FER1L5: variants seen among roughly 807,000 people sequenced by gnomAD.
The protein encoded by FER1L5 is fer-1-like protein 5.
A neutral mutation model predicts 279.9 loss-of-function variants in FER1L5; 187 were observed. The observed-to-expected ratio is 0.67, with a 90% CI of 0.59 to 0.75. The LOEUF (loss-of-function observed/expected upper bound fraction) is 0.75. Ranked by LOEUF, FER1L5 falls within the 30% of genes least tolerant of loss-of-function variation. The pLI is 0.00. For missense variants in FER1L5, 2,091 were observed against 2,594.4 expected (o/e 0.81, Z 4.21); for synonymous variants, 921 against 989.7 (o/e 0.93, Z 1.30).
chr2:96,702,842 G>T lies in FER1L5; in HGVS notation c.5397+101G>T. On this transcript the variant is annotated intron_variant, in intron 48 of 52. Transcript: ENST00000624922. The surrounding 1 kb of genome is among the most constrained non-coding windows in gnomAD (Gnocchi z 4.0). ...CTCCAGAGGCTTGCAATCTGTCCCAGAACATCAGAAACATGTCCTCAGGTG... is the reference window on the plus strand; with the variant it reads ...CTCCAGAGGCTTGCAATCTGTCCCATAACATCAGAAACATGTCCTCAGGTG... 6.5e-7 allele frequency: 1 copy of T among 1,546,022 alleles called. No homozygotes were observed.
At chr2:96,657,633 G>T (rs1383980610) in intron 9 of FER1L5, among the ~76,000 whole-genome samples, 1 of 151,590 alleles carries the variant, frequency 6.6e-6, no homozygotes. Flanking sequence ...GTTATTATAT[G>T]AACATTTCTT....
At chr2:96,654,405 GA>G (rs138105103) in intron 8 of FER1L5, 40 bp from the exon 9 acceptor site, 2 of 398,934 alleles carry the variant, frequency 5.0e-6, no homozygotes, top group Admixed American at 4.4e-5. Context: ...GGGAAATTGG[GA>G]TTGTGAATAA....
At chr2:96,662,679 C>T (rs1053937131) in intron 13 of FER1L5, among the ~76,000 whole-genome samples, 5 of 152,264 alleles carry the variant, frequency 3.3e-5, no homozygotes, top group Admixed American at 2.6e-4. Flanking sequence ...TGTTCAAATT[C>T]GGACAATGCT....
chr2:96,670,985 T>C (rs2076301587), intron 18 of FER1L5, among the ~76,000 whole-genome samples: 1 of 151,084 alleles, frequency 6.6e-6, no homozygotes, highest in African/African-American at 2.4e-5. Flanking sequence ...CTTGCGCCTG[T>C]AGTCCCAGCT....
At chr2:96,644,974 T>C (rs1203663098) in intron 1 of FER1L5, among the ~76,000 whole-genome samples, 1 of 152,174 alleles carries the variant, frequency 6.6e-6, no homozygotes, top group Non-Finnish European at 1.5e-5. Flanking sequence ...TGCCTAAAAC[T>C]CAGAACCCTG....
rs991022738 is a variant in FER1L5, at chr2:96,690,665, G to C, written c.2743+76G>C. 1.6e-5 allele frequency: 21 copies of C among 1,348,878 alleles called. No homozygotes were observed. The African/African-American group carries it at 2.9e-4, about 19-fold the overall frequency. The allele number at this position is 1,348,878 out of a possible 1,614,324, so 83.6% of individuals were successfully genotyped here. ...AACGGCAGCCAGCAGGGTGGGATCA[G>C]AGCAGCCAAGCCCTCCATGGTATAC... On this transcript the variant is annotated intron_variant, in intron 27 of 52. Transcript: ENST00000624922.
At position 96,663,525 on chromosome 2, in the gene FER1L5, T is replaced by G. The variant is rs2076024143; in HGVS notation, c.1140+18T>G. The G allele has an allele frequency of 1.9e-6, 3 of 1,550,796 alleles. No homozygotes were observed. The highest frequency in any genetic ancestry group is 1.7e-4 in the Middle Eastern group (1 of 6,012). On this transcript the variant is annotated intron_variant, in intron 14 of 52. Coordinates refer to ENST00000624922, the MANE Select transcript of FER1L5 (RefSeq NM_001293083.2). Reference sequence around the variant, plus strand: ...GGATTCAGGTATGGCTCCTCCATCATGCCCACCCTTCTCCCACATCCCCTA... The same window carrying G: ...GGATTCAGGTATGGCTCCTCCATCAGGCCCACCCTTCTCCCACATCCCCTA...
In FER1L5 at chr2:96,704,617, T is replaced by G; in HGVS notation, c.6099T>G (p.His2033Gln). The G allele has an allele frequency of 6.2e-7, 1 of 1,614,022 alleles. No individual in the cohort carries two copies. Among genetic ancestry groups the G allele is most frequent in the Non-Finnish European group, 8.5e-7 (1 of 1,179,894 alleles). The change falls in exon 53 of 53, where the codon CAT (histidine) becomes CAG (glutamine). Residue 2033 changes from histidine (H) to glutamine (Q), a missense_variant. Coordinates refer to ENST00000624922, the MANE Select transcript of FER1L5 (RefSeq NM_001293083.2). ...CAAACCTAAAGCCTACAATAGACCA[T>G]GAGTGGAAACTCCACCCAGGACCCA... Reference protein sequence around the residue: ...QDPNLKPTIDHEWKLHPGPTN... With the variant: ...QDPNLKPTIDQEWKLHPGPTN...
intron 19 of FER1L5, among the ~76,000 whole-genome samples, chr2:96,677,123 TG>T (rs1176055083): frequency 6.6e-6 from 1 of 152,276 alleles, no homozygotes; most frequent in Non-Finnish European, 1.5e-5. Flanking sequence ...ATTACAGGCG[TG>T]GGCCACGATG....
In FER1L5 at chr2:96,650,259, G is replaced by A; in HGVS notation, c.474G>A (p.Arg158=). ...KLMVPGSTAH[R]ALSSKPQHFQ... Reference sequence around the variant, plus strand: ...TGGTCCCTGGCTCCACTGCGCACAGGGCTCTGTCCTCAAAGCCTCAGCACT... The same window carrying A: ...TGGTCCCTGGCTCCACTGCGCACAGAGCTCTGTCCTCAAAGCCTCAGCACT... Residue 158 remains arginine (R), a synonymous_variant, in exon 6 of 53, where the codon AGG becomes AGA. Coordinates refer to ENST00000624922, the MANE Select transcript of FER1L5 (RefSeq NM_001293083.2). The A allele has an allele frequency of 1.9e-6, 3 of 1,551,674 alleles. No individual in the cohort carries two copies. Among genetic ancestry groups the A allele is most frequent in the Non-Finnish European group, 2.6e-6 (3 of 1,146,986 alleles).
Position 96,691,067 on chromosome 2 carries a change from T to A in FER1L5, c.2744-123T>A. 7.8e-7 allele frequency: 1 copy of A among 1,282,752 alleles called. No homozygotes were observed. The highest frequency in any genetic ancestry group is 1.6e-5 in the South Asian group (1 of 64,280). 79.5% of individuals were successfully genotyped at this position (1,282,752 alleles called of 1,614,324 possible). A position where few individuals can be genotyped will look rare whatever the true frequency, so the allele number is the denominator to read the frequency against. ...GTAGCCACACTCTCCTTTCCACACC[T>A]CAGGGCCAGAGACCTGGATGTGAGG... is the stretch of plus-strand genomic sequence containing the variant. On this transcript the variant is annotated intron_variant, in intron 27 of 52. Coordinates refer to ENST00000624922, the MANE Select transcript of FER1L5 (RefSeq NM_001293083.2). This position sits in a 1 kb window ranked among gnomAD's most constrained non-coding sequence, Gnocchi z 6.0.
At chr2:96,650,337 T>A (rs946934125) in intron 6 of FER1L5, 48 bp downstream of exon 6, 1 of 1,468,996 alleles carries the variant, frequency 6.8e-7, no homozygotes, top group Admixed American at 2.0e-5. Context: ...CTGACACTCT[T>A]GTTTGCTGTG....
chr2:96,687,971 G>A lies in FER1L5; in HGVS notation c.2361+24G>A, dbSNP rs951231151. 2.6e-6 allele frequency: 4 copies of A among 1,550,020 alleles called. No individual in the cohort carries two copies. The Admixed American group carries it at 7.8e-5, about 30-fold the overall frequency. On this transcript the variant is annotated intron_variant, in intron 24 of 52. Transcript: ENST00000624922. ...TGGTGAGTGGTGAGCGGCAGCCCAA[G>A]GCCAGGGCAGGCACGCGGGGGTGGG...
At chr2:96,670,004 A>G in intron 17 of FER1L5, 115 bp from the exon 18 acceptor site, 1 of 1,373,370 alleles carries the variant, frequency 7.3e-7, no homozygotes, top group Non-Finnish European at 9.9e-7. Flanking sequence ...GGTTGCAGTA[A>G]GCCCCGGGCA....
Position 96,689,678 on chromosome 2 carries a change from G to T in FER1L5, c.2560G>T (p.Val854Leu). Residue 854 changes from valine to leucine, a missense_variant, in exon 26 of 53, where the codon GTG becomes TTG. By Grantham distance (32) the Val-to-Leu change is conservative (BLOSUM62 1). Transcript: ENST00000624922. This position sits in a 1 kb window ranked among gnomAD's most constrained non-coding sequence, Gnocchi z 4.6. ...LLDIDINKSQ[V>L]LEEVYENQGR... ...GGACATAGACATCAACAAGAGCCAG[G>T]TGCTGGAGGAGGTATATGAGAACCA... 1 of 1,551,158 alleles carries T rather than the reference G, an allele frequency of 6.4e-7. No individual in the cohort carries two copies. The highest frequency in any genetic ancestry group is 8.7e-7 in the Non-Finnish European group (1 of 1,146,906).
rs1010253244 is a variant in FER1L5, at chr2:96,647,811, A to G, written c.264A>G (p.Pro88=). Residue 88 remains proline, a synonymous_variant, in exon 4 of 53, where the codon CCA becomes CCG. Transcript: ENST00000624922. ...FIGLATVLLK[P]LLKQPSEVLF... ...GCCTGGCCACAGTACTGCTCAAGCC[A>G]TTGTTGAAACAACCAAGTGAGGTCC... The G allele has an allele frequency of 3.2e-6, 5 of 1,551,768 alleles. No individual in the cohort carries two copies. The highest frequency in any genetic ancestry group is 4.4e-6 in the Non-Finnish European group (5 of 1,146,998).
chr2:96,671,106 CAAA>C (rs750341048), intron 18 of FER1L5, among the ~76,000 whole-genome samples: 103 of 40,216 alleles, frequency 2.6e-3, no homozygotes, highest in East Asian at 0.014. Context: ...GACTCCATCT[CAAA>C]AAAAAAAAAA....
chr2:96,671,128 A>AAAAAAAAAAAAAAAG (rs59325881), intron 18 of FER1L5, among the ~76,000 whole-genome samples: 5 of 149,596 alleles, frequency 3.3e-5, no homozygotes, highest in Non-Finnish European at 7.4e-5. Context: ...AAAAAAAAAA[A>AAAAAAAAAAAAAAAG]GGAATCCCTG....
At chr2:96,654,676 G>T (rs1010357472) in intron 9 of FER1L5, 180 bp downstream of exon 9, 19 of 348,408 alleles carry the variant, frequency 5.5e-5, no homozygotes, top group African/African-American at 4.0e-4. Flanking sequence ...GAGGCCGGTG[G>T]ATCACGAGGT....
Sources: gnomAD v4.1 joint callset for allele counts (sites outside exome capture counted in the v4.1 genomes callset) on GRCh38, gnomAD v4.1.1 for gene constraint, Gnocchi (gnomAD v3.1) non-coding constraint, MANE v1.5 for transcripts, NCBI Gene and HGNC (gene_info 2026-07-23, HGNC 2026-07-21) for gene names.